DNAH6: variants seen among roughly 807,000 people sequenced by gnomAD.
DNAH6 encodes dynein axonemal heavy chain 6.
Under a neutral mutation model 491.4 loss-of-function variants are expected in DNAH6, and 340 were observed. The ratio of observed to expected loss-of-function variants is 0.69; its 90% CI spans 0.63 to 0.76. DNAH6 has a LOEUF of 0.76. DNAH6 is among the 30% of genes least tolerant of loss of function. DNAH6 has a pLI of 0.00. For missense variants in DNAH6, 4,443 were observed against 4,972.2 expected, an observed-to-expected ratio of 0.89 and a Z score of 3.20; for synonymous variants, 1,603 against 1,686.1, an observed-to-expected ratio of 0.95 and a Z score of 1.21.
chr2:84,505,253 A>G, the DNAH6 span, among the ~76,000 whole-genome samples: 9 of 152,204 alleles, frequency 5.9e-5, no homozygotes, highest in South Asian at 2.1e-4. Context: ...ATATTTTGTC[A>G]ATTCTTTAAG....
At chr2:84,607,376 TA>T in intron 21 of DNAH6, among the ~76,000 whole-genome samples, 1 of 152,178 alleles carries the variant, frequency 6.6e-6, no homozygotes, top group Admixed American at 6.5e-5. Context: ...AATGTTGCAA[TA>T]AAGAAAGCCA....
At chr2:84,665,115 T>A (rs1219247613) in intron 37 of DNAH6, among the ~76,000 whole-genome samples, 1 of 152,110 alleles carries the variant, frequency 6.6e-6, no homozygotes, top group African/African-American at 2.4e-5. Context: ...AGAGGGAAAT[T>A]TATAGCACTA....
chr2:84,584,477 C>T (rs866738252), intron 15 of DNAH6: 2 of 480,970 alleles, frequency 4.2e-6, no homozygotes, highest in Non-Finnish European at 7.4e-6. Context: ...CTCTTCAAAC[C>T]ATTTAGAGAA....
At chr2:84,562,060 G>A (rs1680735142) in intron 11 of DNAH6, among the ~76,000 whole-genome samples, 1 of 152,064 alleles carries the variant, frequency 6.6e-6, no homozygotes, top group South Asian at 2.1e-4. Flanking sequence ...TTCTAATGAA[G>A]TAGAAATAGT....
chr2:84,575,613 G>C (rs1682348199), intron 12 of DNAH6, among the ~76,000 whole-genome samples: 1 of 152,176 alleles, frequency 6.6e-6, no homozygotes, highest in Non-Finnish European at 1.5e-5. Context: ...GCCTCTCCGC[G>C]GTGGCTCACG....
intron 41 of DNAH6, among the ~76,000 whole-genome samples, chr2:84,677,681 A>G (rs988410312): frequency 1.3e-5 from 2 of 152,130 alleles, no homozygotes; most frequent in Admixed American, 6.5e-5. Flanking sequence ...AAAAATAATA[A>G]CACCTGCCCT....
chr2:84,579,688 A>T lies in DNAH6; in HGVS notation c.2229+9A>T. 1 of 1,561,834 alleles carries T rather than the reference A, an allele frequency of 6.4e-7. No homozygotes were observed. The highest frequency in any genetic ancestry group is 1.2e-5 in the South Asian group (1 of 81,630). ...ATGAAATTCAGGAACGGGTGAGTTGATTATCTCATATAACTCAATATTCCA... is the reference window on the plus strand; with the variant it reads ...ATGAAATTCAGGAACGGGTGAGTTGTTTATCTCATATAACTCAATATTCCA... On this transcript the variant is annotated intron_variant, in intron 14 of 76. Coordinates refer to ENST00000389394, the MANE Select transcript of DNAH6 (RefSeq NM_001370.2).
At chr2:84,720,318 G>T (rs911709438) in intron 59 of DNAH6, among the ~76,000 whole-genome samples, 4 of 108,250 alleles carry the variant, frequency 3.7e-5, no homozygotes, top group Admixed American at 1.5e-4. Context: ...TCGCTCTGTC[G>T]CCCAGGCTGG....
In DNAH6 at chr2:84,814,008, T is replaced by C. The variant is rs1303489001; in HGVS notation, c.12036T>C (p.Pro4012=). The C allele has an allele frequency of 1.9e-6, 3 of 1,551,704 alleles. No homozygotes were observed. The highest frequency in any genetic ancestry group is 4.9e-5 in the East Asian group (2 of 40,926). Residue 4012 remains proline (P), a synonymous_variant, in exon 75 of 77, where the codon CCT becomes CCC. Coordinates refer to ENST00000389394, the MANE Select transcript of DNAH6 (RefSeq NM_001370.2). ...LQNHARKYNL[P]IDELSFKYSV... is the part of the protein sequence containing the mutation. ...ATCATGCTCGAAAATACAATTTGCCTATAGATGAGCTGAGTTTCAAATACA... is the reference window on the plus strand; with the variant it reads ...ATCATGCTCGAAAATACAATTTGCCCATAGATGAGCTGAGTTTCAAATACA...
At chr2:84,530,915 G>A (rs1392717385) in intron 4 of DNAH6, among the ~76,000 whole-genome samples, 1 of 152,148 alleles carries the variant, frequency 6.6e-6, no homozygotes, top group African/African-American at 2.4e-5. Context: ...AATTTAGAAA[G>A]CTTATTTTGC....
chr2:84,569,044 G>A (rs1055136115), intron 11 of DNAH6, among the ~76,000 whole-genome samples: 5 of 152,068 alleles, frequency 3.3e-5, no homozygotes, highest in Admixed American at 3.3e-4. Context: ...CTAAAAATAC[G>A]TTTTCAACAA....
intron 11 of DNAH6, among the ~76,000 whole-genome samples, chr2:84,565,624 A>C (rs1681118576): frequency 6.6e-6 from 1 of 151,798 alleles, no homozygotes; most frequent in African/African-American, 2.4e-5. Flanking sequence ...TGCTGGGTTT[A>C]AGTCCTCAAT....
intron 70 of DNAH6, among the ~76,000 whole-genome samples, chr2:84,804,800 CATTT>C (rs1679261096): frequency 6.6e-6 from 1 of 151,930 alleles, no homozygotes; most frequent in East Asian, 1.9e-4. Flanking sequence ...GCATTAAGTA[CATTT>C]ATTTATTTAT....
rs1236361586 is a variant in DNAH6 at position 84,624,459 on chromosome 2, A to G, written c.4198-6A>G. On this transcript the variant is annotated splice_polypyrimidine_tract_variant and splice_region_variant and intron_variant, in intron 27 of 76. Transcript: ENST00000389394. ...TTAGTGTATCTAATATGTATATCACATATAGGTGGAGACAGTTGAATCTTT... is the reference window on the plus strand; with the variant it reads ...TTAGTGTATCTAATATGTATATCACGTATAGGTGGAGACAGTTGAATCTTT... 2.6e-6 allele frequency: 4 copies of G among 1,551,574 alleles called. No homozygotes were observed. The highest frequency in any genetic ancestry group is 1.2e-5 in the South Asian group (1 of 83,988).
In DNAH6 at chr2:84,533,470, G is replaced by A. The variant is rs545153548; in HGVS notation, c.662+4304G>A. ...TTGAGTAGACAGCGTTATCACTTTG[G>A]TGCCAAAATACTTTGAAGATAAGAA... On this transcript the variant is annotated intron_variant, in intron 4 of 76. Coordinates refer to ENST00000389394, the MANE Select transcript of DNAH6 (RefSeq NM_001370.2). Among the ~76,000 whole-genome samples the A allele has an allele frequency of 9.9e-5, 15 of 152,158 alleles. No individual in the cohort carries two copies. The South Asian group carries it at 3.1e-3, about 32-fold the overall frequency.
chr2:84,814,644 C>G (rs543720133), intron 75 of DNAH6, among the ~76,000 whole-genome samples: 1 of 152,316 alleles, frequency 6.6e-6, no homozygotes, highest in East Asian at 1.9e-4. Context: ...CCAGCCTGCC[C>G]TGGTCCATGC....
chr2:84,475,558 G>A, the DNAH6 span, among the ~76,000 whole-genome samples: 1 of 152,042 alleles, frequency 6.6e-6, no homozygotes, highest in Non-Finnish European at 1.5e-5. Context: ...TGAGAAACGG[G>A]GCATATTCTT....
At chr2:84,621,997 A>T (rs182686351) in intron 26 of DNAH6, among the ~76,000 whole-genome samples, 1 of 152,340 alleles carries the variant, frequency 6.6e-6, no homozygotes, top group African/African-American at 2.4e-5. Flanking sequence ...AATTCAATGA[A>T]TTTAAATACC....
At chr2:84,725,041 C>T (rs1698497036) in intron 60 of DNAH6, among the ~76,000 whole-genome samples, 2 of 152,290 alleles carry the variant, frequency 1.3e-5, no homozygotes, top group South Asian at 4.1e-4. Context: ...TGGTTGGCTT[C>T]TCTCTCCTGC....
Sources: gnomAD v4.1 joint callset for allele counts (sites outside exome capture counted in the v4.1 genomes callset) on GRCh38, gnomAD v4.1.1 for gene constraint, MANE v1.5 for transcripts, NCBI Gene and HGNC (gene_info 2026-07-23, HGNC 2026-07-21) for gene names.